Variants in KLRC3 observed in about 807,000 individuals in gnomAD.
The protein encoded by KLRC3 is killer cell lectin like receptor C3, also known as NKG2-E type II integral membrane protein.
Under a neutral mutation model 23.6 loss-of-function variants are expected in KLRC3, and 16 were observed. The observed-to-expected ratio is 0.68, with a 90% confidence interval of 0.46 to 1.03. The LOEUF (loss-of-function observed/expected upper bound fraction) is 1.03. Among genes scored for constraint, KLRC3 ranks in the 50% least tolerant of loss-of-function variants. KLRC3 has a pLI of 0.00. For synonymous variants in KLRC3, 70 were observed against 71.8 expected (o/e 0.98, Z 0.13); for missense variants, 209 against 232.2 (o/e 0.90, Z 0.65).
At chr12:10,419,771 T>C (rs2137861637) in intron 2 of KLRC3, 95 bp downstream of exon 2, 1 of 348,910 alleles carries the variant, frequency 2.9e-6, no homozygotes, top group South Asian at 2.6e-5. Flanking sequence ...AACAGTAAAA[T>C]AAGAGTTCTA....
chr12:10,413,458 A>C (rs1354481135), intron 6 of KLRC3, among the ~76,000 whole-genome samples: 1 of 152,190 alleles, frequency 6.6e-6, no homozygotes, highest in Non-Finnish European at 1.5e-5. Context: ...ATGAAATAGA[A>C]AATTCCTGGG....
chr12:10,412,655 T>G, intron 6 of KLRC3, 39 bp from the exon 7 acceptor site: 1 of 692,114 alleles, frequency 1.4e-6, no homozygotes, highest in Admixed American at 2.1e-5. Flanking sequence ...ATGATGGTAT[T>G]GGCCTGTAGC....
At chr12:10,417,455 C>A (rs1303244385) in intron 4 of KLRC3, among the ~76,000 whole-genome samples, 1 of 152,218 alleles carries the variant, frequency 6.6e-6, no homozygotes, top group East Asian at 1.9e-4. Flanking sequence ...GTGACCTAGG[C>A]CTGCTGTTTC....
rs1341514744 is a variant in KLRC3, at chr12:10,418,952, T to C, written c.331+92A>G. 71 of 332,702 alleles carry C rather than the reference T, an allele frequency of 2.1e-4. No individual in the cohort carries two copies. In the Middle Eastern group the frequency reaches 2.5e-3, roughly 12 times the overall value. The allele number at this position is 332,702 out of a possible 1,614,324, so 20.6% of individuals were successfully genotyped here. On this transcript the variant is annotated intron_variant, in intron 3 of 6. Transcript: ENST00000396439. ...TTATGGCTGAATTTATGGCTTATTTTCTGCAAAAATGCCACTATTCTTTTA... is the reference window on the plus strand; with the variant it reads ...TTATGGCTGAATTTATGGCTTATTTCCTGCAAAAATGCCACTATTCTTTTA...
chr12:10,418,176 A>T (rs1449385482), intron 4 of KLRC3, among the ~76,000 whole-genome samples, 168 bp downstream of exon 4: 1 of 152,230 alleles, frequency 6.6e-6, no homozygotes, highest in African/African-American at 2.4e-5. Context: ...ATAAAAGTAC[A>T]TTAGCGGTAT....
intron 3 of KLRC3, 74 bp downstream of exon 3, chr12:10,418,970 T>C (rs1360428035): frequency 3.2e-6 from 1 of 315,674 alleles, no homozygotes; most frequent in Non-Finnish European, 6.3e-6. Context: ...AATGCCACTA[T>C]TCTTTTACAT....
rs1279126197 is a variant in KLRC3, at chr12:10,417,380, C to T, written c.487-613G>A. Reference sequence around the variant, plus strand: ...AGAGAAAGATGAAATTGTCTGGGACCCTAGCATCAGGGATCAACCAAGTGT... The same window carrying T: ...AGAGAAAGATGAAATTGTCTGGGACTCTAGCATCAGGGATCAACCAAGTGT... On this transcript the variant is annotated intron_variant, in intron 4 of 6. Transcript: ENST00000396439. 3.9e-5 allele frequency among the ~76,000 whole-genome samples: 6 copies of T among 152,084 alleles called. No homozygotes were observed. In the East Asian group the frequency reaches 1.2e-3, roughly 29 times the overall value.
intron 4 of KLRC3, among the ~76,000 whole-genome samples, chr12:10,417,792 C>G (rs183667890): frequency 6.6e-6 from 1 of 152,316 alleles, no homozygotes; most frequent in East Asian, 1.9e-4. Context: ...CAGTAACAAA[C>G]TACAGATAAC....
intron 6 of KLRC3, 77 bp downstream of exon 6, chr12:10,415,626 AT>A (rs1404454019): frequency 6.3e-7 from 1 of 1,596,788 alleles, no homozygotes; most frequent in East Asian, 2.2e-5. Flanking sequence ...TCATAATATC[AT>A]TTCTGTTTGA....
Position 10,418,415 on chromosome 12 carries a change from C to T in KLRC3, c.415G>A (p.Glu139Lys). ...GAAGCACAGGCCTGCAAACTCTCTT[C>T]CCAAGTTCTTCTTTCCTTACCAATG... The part of the protein sequence containing the change: ...YYIGKERRTW[E>K]ESLQACASKN... Residue 139 changes from glutamate to lysine, a missense_variant, in exon 4 of 7, where the codon GAA becomes AAA. Coordinates refer to ENST00000396439, the MANE Select transcript of KLRC3 (RefSeq NM_002261.3). 3 of 1,611,876 alleles carry T rather than the reference C, an allele frequency of 1.9e-6. No individual in the cohort carries two copies. Among genetic ancestry groups the T allele is most frequent in the South Asian group, 2.2e-5 (2 of 91,034 alleles).
At position 10,418,378 on chromosome 12, in the gene KLRC3, G is replaced by A; in HGVS notation, c.452C>T (p.Ser151Phe). The A allele has an allele frequency of 6.2e-7, 1 of 1,611,474 alleles. No homozygotes were observed. ...TTCATTATCTATACAAAGCAGACTA[G>A]AAGAGTTCTTTGAAGCACAGGCCTG... ...SLQACASKNS[S>F]SLLCIDNEEE... Residue 151 changes from serine (S) to phenylalanine (F), a missense_variant, in exon 4 of 7, where the codon TCT becomes TTT. Ser to Phe is a radical substitution (Grantham distance 155, BLOSUM62 -2). Transcript: ENST00000396439.
intron 6 of KLRC3, among the ~76,000 whole-genome samples, chr12:10,413,605 A>G (rs1863601313): frequency 6.6e-6 from 1 of 152,194 alleles, no homozygotes; most frequent in Non-Finnish European, 1.5e-5. Flanking sequence ...AGTGAATGAT[A>G]ACATTTAAAA....
In KLRC3 at chr12:10,420,431, T is replaced by C. The variant is rs1217974046; in HGVS notation, c.120A>G (p.Gln40=). Residue 40 remains glutamine, a synonymous_variant, in exon 1 of 7, where the codon CAA becomes CAG. Transcript: ENST00000396439. Reference sequence around the variant, plus strand: ...AAGCATTTTGAAGGTTTAATTCTACTTGGAATATTTCCTGTTCGGTTCCTG... The same window carrying C: ...AAGCATTTTGAAGGTTTAATTCTACCTGGAATATTTCCTGTTCGGTTCCTG... The part of the protein sequence containing the change: ...SISGTEQEIF[Q]VELNLQNASL... 5.0e-6 allele frequency: 8 copies of C among 1,613,604 alleles called. No individual in the cohort carries two copies. The highest frequency in any genetic ancestry group is 6.8e-6 in the Non-Finnish European group (8 of 1,179,834).
chr12:10,418,172 G>A (rs1308166842), intron 4 of KLRC3, among the ~76,000 whole-genome samples, 172 bp downstream of exon 4: 1 of 152,132 alleles, frequency 6.6e-6, no homozygotes, highest in Non-Finnish European at 1.5e-5. Flanking sequence ...GAAAATAAAA[G>A]TACATTAGCG....
intron 6 of KLRC3, among the ~76,000 whole-genome samples, chr12:10,413,661 G>A (rs944005250): frequency 6.6e-6 from 1 of 151,946 alleles, no homozygotes; most frequent in African/African-American, 2.4e-5. Flanking sequence ...TAAGTTCTAG[G>A]GTATATGTGC....
At chr12:10,416,544 T>C (rs1863646559) in intron 5 of KLRC3, 123 bp downstream of exon 5, 1 of 1,202,418 alleles carries the variant, frequency 8.3e-7, no homozygotes, top group African/African-American at 1.5e-5. Context: ...AATATTTGTA[T>C]CAACATTTCA....
At chr12:10,419,805 T>C in intron 2 of KLRC3, 61 bp downstream of exon 2, 1 of 421,334 alleles carries the variant, frequency 2.4e-6, no homozygotes, top group Non-Finnish European at 4.3e-6. Context: ...TGAAATATTT[T>C]GAGGCACTTC....
intron 6 of KLRC3, among the ~76,000 whole-genome samples, chr12:10,413,472 T>C (rs908451984): frequency 1.3e-5 from 2 of 152,182 alleles, no homozygotes; most frequent in African/African-American, 2.4e-5. Flanking sequence ...TCCTGGGAAA[T>C]GCTCATTACC....
At chr12:10,417,941 T>C (rs1023555682) in intron 4 of KLRC3, among the ~76,000 whole-genome samples, 10 of 152,082 alleles carry the variant, frequency 6.6e-5, no homozygotes, top group Admixed American at 5.2e-4. Flanking sequence ...CAAGACAGTG[T>C]TTTGGAGAGG....
Sources: allele counts gnomAD v4.1 joint callset (sites outside exome capture counted in the v4.1 genomes callset), GRCh38; gene constraint gnomAD v4.1.1; transcripts MANE v1.5; gene names NCBI Gene and HGNC (gene_info 2026-07-23, HGNC 2026-07-21).